Variants in CCDC85A observed in about 807,000 individuals in gnomAD.
CCDC85A encodes the protein coiled-coil domain containing 85A, also known as coiled-coil domain-containing protein 85A.
CCDC85A carries 38 observed loss-of-function variants against 50.2 expected under a neutral mutation model. The observed-to-expected ratio is 0.76, with a 90% CI of 0.58 to 0.99. The LOEUF is 0.99. CCDC85A is among the 50% of genes least tolerant of loss of function. The pLI, the probability that CCDC85A is intolerant of heterozygous loss-of-function variation, is 0.00. For synonymous variants in CCDC85A, 366 were observed against 301.4 expected (o/e 1.21, Z -2.22); for missense variants, 820 against 742.0 (o/e 1.11, Z -1.22).
intron 2 of CCDC85A, among the ~76,000 whole-genome samples, chr2:56,225,981 C>G (rs1668525403): frequency 6.6e-6 from 1 of 152,164 alleles, no homozygotes; most frequent in African/African-American, 2.4e-5. Context: ...ATTTCATTTT[C>G]CTGCTCAACA....
At chr2:56,196,869 TTTC>T (rs1417551134) in intron 2 of CCDC85A, among the ~76,000 whole-genome samples, 2 of 145,372 alleles carry the variant, frequency 1.4e-5, no homozygotes, top group Non-Finnish European at 3.0e-5. Context: ...CATTATCTTC[TTTC>T]TTCTTCGTCT....
intron 3 of CCDC85A, among the ~76,000 whole-genome samples, chr2:56,368,293 C>G (rs1226816470): frequency 6.6e-6 from 1 of 152,084 alleles, no homozygotes; most frequent in Non-Finnish European, 1.5e-5. Flanking sequence ...GCAAGAGGGT[C>G]TTAGCATTTC....
At chr2:56,373,748 C>G (rs1676197748) in intron 4 of CCDC85A, among the ~76,000 whole-genome samples, 1 of 152,108 alleles carries the variant, frequency 6.6e-6, no homozygotes, top group African/African-American at 2.4e-5. Flanking sequence ...AATGGTGGGT[C>G]CTAAACAAGA....
intron 1 of CCDC85A, among the ~76,000 whole-genome samples, chr2:56,190,093 C>T (rs535728431): frequency 6.6e-6 from 1 of 152,284 alleles, no homozygotes; most frequent in Admixed American, 6.5e-5. Context: ...ATGTGGTTGA[C>T]AGGTGTTTTA....
At chr2:56,209,886 T>C (rs1420298260) in intron 2 of CCDC85A, among the ~76,000 whole-genome samples, 1 of 152,068 alleles carries the variant, frequency 6.6e-6, no homozygotes, top group African/African-American at 2.4e-5. Flanking sequence ...CACTTGAGCT[T>C]ATATGTATGA....
intron 3 of CCDC85A, among the ~76,000 whole-genome samples, chr2:56,369,393 A>T (rs183946688): frequency 3.9e-5 from 6 of 152,274 alleles, no homozygotes; most frequent in African/African-American, 1.4e-4. Context: ...TCAAAACTTC[A>T]TGTTGATTTC....
chr2:56,262,423 A>C (rs972558581), intron 2 of CCDC85A, among the ~76,000 whole-genome samples: 4 of 152,160 alleles, frequency 2.6e-5, no homozygotes, highest in African/African-American at 9.7e-5. Context: ...GTCTAATACA[A>C]ATGGACTTCT....
At chr2:56,293,045 A>C (rs767043833) in intron 2 of CCDC85A, among the ~76,000 whole-genome samples, 9 of 152,312 alleles carry the variant, frequency 5.9e-5, no homozygotes, top group Admixed American at 2.6e-4. Context: ...CAATGAGTGG[A>C]CCAGGCTACC....
chr2:56,382,825 C>T (rs1030180128), intron 5 of CCDC85A, among the ~76,000 whole-genome samples: 4 of 152,044 alleles, frequency 2.6e-5, no homozygotes, highest in Non-Finnish European at 4.4e-5. Flanking sequence ...GTCTGTTATC[C>T]GTGTAAGGTC....
At chr2:56,343,570 T>G (rs1352955289) in intron 3 of CCDC85A, among the ~76,000 whole-genome samples, 1 of 152,210 alleles carries the variant, frequency 6.6e-6, no homozygotes, top group Non-Finnish European at 1.5e-5. Context: ...CATGGGCTGT[T>G]AACTTGATGA....
chr2:56,237,128 C>A (rs1490039519), intron 2 of CCDC85A, among the ~76,000 whole-genome samples: 1 of 152,078 alleles, frequency 6.6e-6, no homozygotes. Context: ...TGAGGATAGA[C>A]TCAGAATCTG....
At chr2:56,199,573 T>G (rs923833270) in intron 2 of CCDC85A, among the ~76,000 whole-genome samples, 1 of 152,156 alleles carries the variant, frequency 6.6e-6, no homozygotes, top group Non-Finnish European at 1.5e-5. Context: ...AGTATTCTTT[T>G]TTTTTTAATC....
At chr2:56,225,188 G>A (rs2103918927) in intron 2 of CCDC85A, among the ~76,000 whole-genome samples, 1 of 151,976 alleles carries the variant, frequency 6.6e-6, no homozygotes, top group East Asian at 1.9e-4. Context: ...CTGATTGAAT[G>A]TTGAGGTGGG....
chr2:56,311,019 C>T (rs989510346), intron 2 of CCDC85A, among the ~76,000 whole-genome samples: 2 of 152,098 alleles, frequency 1.3e-5, no homozygotes, highest in East Asian at 3.8e-4. Flanking sequence ...TCACATTTCC[C>T]CTAAGTTCAA....
Position 56,193,008 on chromosome 2 carries a change from C to A in CCDC85A, c.808C>A (p.Arg270Ser). Reference protein sequence around the residue: ...QKPRACGTPDRPKALKGPSPE... With the variant: ...QKPRACGTPDSPKALKGPSPE... The stretch of plus-strand genomic sequence containing the variant: ...ACCCAGAGCCTGTGGAACCCCAGAT[C>A]GCCCCAAAGCACTCAAAGGACCTAG... The change falls in exon 2 of 6, where the codon CGC becomes AGC. Residue 270 changes from arginine (R) to serine (S), a missense_variant. Arg to Ser is a moderately radical substitution (Grantham distance 110, BLOSUM62 -1). Coordinates refer to ENST00000407595, the MANE Select transcript of CCDC85A (RefSeq NM_001080433.2). 6.2e-7 allele frequency: 1 copy of A among 1,613,752 alleles called. No individual in the cohort carries two copies. The highest frequency in any genetic ancestry group is 8.5e-7 in the Non-Finnish European group (1 of 1,179,858).
Position 56,198,181 on chromosome 2 carries a change from G to A in CCDC85A, c.1240+4741G>A, listed in dbSNP as rs527402886. ...AAGACCCCAGCAGTGTTTCTCTGAA[G>A]CGGGATTGTCTGTGAATTAAGTAGT... is the stretch of plus-strand genomic sequence containing the variant. On this transcript the variant is annotated intron_variant, in intron 2 of 5. Coordinates refer to ENST00000407595, the MANE Select transcript of CCDC85A (RefSeq NM_001080433.2). 6.6e-5 allele frequency among the ~76,000 whole-genome samples: 10 copies of A among 152,368 alleles called. No homozygotes were observed. In the South Asian group the frequency reaches 2.1e-3, roughly 32 times the overall value.
chr2:56,186,805 A>G (rs556387491), intron 1 of CCDC85A, among the ~76,000 whole-genome samples: 2 of 152,162 alleles, frequency 1.3e-5, no homozygotes, highest in Non-Finnish European at 2.9e-5. Flanking sequence ...CAGTAGCTTC[A>G]TGTAGAGAAG....
In CCDC85A at chr2:56,214,646, A is replaced by G. The variant is rs538112808; in HGVS notation, c.1240+21206A>G. Among the ~76,000 whole-genome samples, 4 of 152,018 alleles carry G rather than the reference A, an allele frequency of 2.6e-5. No homozygotes were observed. The East Asian group carries it at 5.8e-4, about 22-fold the overall frequency. ...CAGTACCATTTGTTGAAAGGACTTT[A>G]TTGAATTGACTTTACTTCTTTGTTA... is the stretch of plus-strand genomic sequence containing the variant. On this transcript the variant is annotated intron_variant, in intron 2 of 5. Transcript: ENST00000407595.
chr2:56,259,953 G>C (rs1670150854), intron 2 of CCDC85A, among the ~76,000 whole-genome samples: 2 of 152,192 alleles, frequency 1.3e-5, no homozygotes, highest in African/African-American at 4.8e-5. Flanking sequence ...TTTTCCTTAT[G>C]AATCTATGTT....
Sources: gnomAD v4.1 joint callset for allele counts (sites outside exome capture counted in the v4.1 genomes callset) on GRCh38, gnomAD v4.1.1 for gene constraint, MANE v1.5 for transcripts, NCBI Gene and HGNC (gene_info 2026-07-23, HGNC 2026-07-21) for gene names.